TYW1B: variants seen among roughly 807,000 people sequenced by gnomAD.
The protein encoded by TYW1B is S-adenosyl-L-methionine-dependent tRNA 4-demethylwyosine synthase TYW1B.
A neutral mutation model predicts 86.9 loss-of-function variants in TYW1B; 73 were observed. That is an observed-to-expected ratio of 0.84 (90% CI 0.70 to 1.02). The LOEUF (loss-of-function observed/expected upper bound fraction) is 1.02. Among genes scored for constraint, TYW1B ranks in the 50% least tolerant of loss-of-function variants. TYW1B has a pLI of 0.00. For synonymous variants in TYW1B, 248 were observed against 292.8 expected, an observed-to-expected ratio of 0.85 and a Z score of 1.56; for missense variants, 637 against 827.4, an observed-to-expected ratio of 0.77 and a Z score of 2.82.
At chr7:72,766,613 CAAA>C (rs56738770) in intron 7 of TYW1B, among the ~76,000 whole-genome samples, 1 of 82,934 alleles carries the variant, frequency 1.2e-5, no homozygotes. Flanking sequence ...GATTCAGTCT[CAAA>C]AAAAAAAAAA....
intron 13 of TYW1B, among the ~76,000 whole-genome samples, chr7:72,577,634 A>G (rs1475772146): frequency 6.6e-6 from 1 of 152,218 alleles, no homozygotes. Context: ...TTGGTCACGC[A>G]GGCCCTTCCT....
At chr7:72,647,122 A>G (rs1221637496) in intron 11 of TYW1B, among the ~76,000 whole-genome samples, 1 of 152,234 alleles carries the variant, frequency 6.6e-6, no homozygotes, top group Non-Finnish European at 1.5e-5. Context: ...TGGTAATCAA[A>G]GAAATGCAAA....
At chr7:72,623,570 G>T (rs1434517499) in intron 12 of TYW1B, among the ~76,000 whole-genome samples, 2 of 152,070 alleles carry the variant, frequency 1.3e-5, no homozygotes, top group Non-Finnish European at 2.9e-5. Context: ...TTAAACCCTA[G>T]TCCTGTCTAC....
Position 72,587,737 on chromosome 7 carries a change from C to T in TYW1B, c.1786-12018G>A, listed in dbSNP as rs187714209. On this transcript the variant is annotated intron_variant, in intron 13 of 13. Coordinates refer to ENST00000620995, the MANE Select transcript of TYW1B (RefSeq NM_001145440.3). ...TTGGCTAATTTCTTAGTCCTACAAA[C>T]GCCATCGGGTCCCTAGCAAGAAGGA... is the stretch of plus-strand genomic sequence containing the variant. Among the ~76,000 whole-genome samples, 595 of 151,646 alleles carry T rather than the reference C, an allele frequency of 3.9e-3. 3 individuals carry two copies. The highest frequency in any genetic ancestry group is 5.8e-3 in the Non-Finnish European group (393 of 67,818).
intron 11 of TYW1B, among the ~76,000 whole-genome samples, chr7:72,630,090 C>T (rs1164888452): frequency 6.6e-6 from 1 of 151,932 alleles, no homozygotes; most frequent in Non-Finnish European, 1.5e-5. Flanking sequence ...ACCAGCCTGG[C>T]CAACATGGTG....
At chr7:72,746,612 G>C (rs1787399782) in intron 7 of TYW1B, among the ~76,000 whole-genome samples, 1 of 152,136 alleles carries the variant, frequency 6.6e-6, no homozygotes, top group African/African-American at 2.4e-5. Context: ...AGGTATTTAA[G>C]GTTAAGTGAG....
intron 7 of TYW1B, among the ~76,000 whole-genome samples, chr7:72,774,093 ACT>A: frequency 6.6e-6 from 1 of 151,274 alleles, no homozygotes. Flanking sequence ...AAACAAAGAA[ACT>A]ATCCCAAATG....
intron 13 of TYW1B, among the ~76,000 whole-genome samples, chr7:72,612,643 C>T (rs1467361245): frequency 6.6e-6 from 1 of 152,172 alleles, no homozygotes; most frequent in African/African-American, 2.4e-5. Context: ...AAGTGTGAGA[C>T]TCTGAAAAGG....
chr7:72,608,498 G>A (rs1316012646), intron 13 of TYW1B, among the ~76,000 whole-genome samples: 2 of 152,154 alleles, frequency 1.3e-5, no homozygotes, highest in Non-Finnish European at 2.9e-5. Context: ...TATGCATAAT[G>A]TAATATGTAA....
intron 9 of TYW1B, among the ~76,000 whole-genome samples, chr7:72,726,102 TTAC>T (rs2129570975): frequency 6.6e-6 from 1 of 152,198 alleles, no homozygotes; most frequent in East Asian, 1.9e-4. Flanking sequence ...TACTAGTTCT[TTAC>T]CAACAGTTTC....
At chr7:72,795,181 A>G (rs1788284680) in intron 6 of TYW1B, among the ~76,000 whole-genome samples, 1 of 152,022 alleles carries the variant, frequency 6.6e-6, no homozygotes, top group African/African-American at 2.4e-5. Context: ...CGGAGATCCA[A>G]AACAGCAGCT....
At chr7:72,622,582 ATGGGAGACCCCAGAT>A (rs1812244249) in intron 12 of TYW1B, among the ~76,000 whole-genome samples, 1 of 152,122 alleles carries the variant, frequency 6.6e-6, no homozygotes. Flanking sequence ...AGTGCAGACT[ATGGGAGACCCCAGAT>A]CTGACACGCA....
chr7:72,613,026 C>T (rs568558762), intron 13 of TYW1B, among the ~76,000 whole-genome samples: 2 of 152,154 alleles, frequency 1.3e-5, no homozygotes, highest in South Asian at 4.2e-4. Context: ...TCTAGGATTA[C>T]AGGTGTAAGC....
At chr7:72,609,865 G>T (rs1365196238) in intron 13 of TYW1B, among the ~76,000 whole-genome samples, 2 of 152,164 alleles carry the variant, frequency 1.3e-5, no homozygotes, top group African/African-American at 4.8e-5. Context: ...CACATAATTG[G>T]AAGGAATCTA....
intron 13 of TYW1B, among the ~76,000 whole-genome samples, chr7:72,614,055 C>T (rs1359288611): frequency 9.3e-5 from 14 of 151,230 alleles, no homozygotes; most frequent in African/African-American, 2.7e-4. Flanking sequence ...CGAGAGAGAA[C>T]GGGAGCAAAA....
At chr7:72,625,865 G>A (rs1385955375) in intron 12 of TYW1B, among the ~76,000 whole-genome samples, 8 of 116,574 alleles carry the variant, frequency 6.9e-5, no homozygotes, top group African/African-American at 2.0e-4. Context: ...ACATGACTGC[G>A]AAAGTAAGAA....
chr7:72,633,337 C>A (rs1812587722), intron 11 of TYW1B, among the ~76,000 whole-genome samples: 3 of 152,222 alleles, frequency 2.0e-5, no homozygotes, highest in African/African-American at 7.2e-5. Flanking sequence ...ACACCACTGG[C>A]TTGCCCTTGA....
chr7:72,585,411 C>G (rs2129567695), intron 13 of TYW1B, among the ~76,000 whole-genome samples: 1 of 152,318 alleles, frequency 6.6e-6, no homozygotes, highest in East Asian at 1.9e-4. Context: ...GTTTGTATGA[C>G]TATTCCTCCA....
At chr7:72,653,618 A>ATAATAATAG (rs1200335307) in intron 11 of TYW1B, among the ~76,000 whole-genome samples, 1 of 151,300 alleles carries the variant, frequency 6.6e-6, no homozygotes, top group Non-Finnish European at 1.5e-5. Flanking sequence ...AAAAATAATA[A>ATAATAATAG]TAATAATATA....
Sources: gnomAD v4.1 joint callset for allele counts (sites outside exome capture counted in the v4.1 genomes callset) on GRCh38, gnomAD v4.1.1 for gene constraint, MANE v1.5 for transcripts, NCBI Gene and HGNC (gene_info 2026-07-23, HGNC 2026-07-21) for gene names.